Variants in SETD2 observed in about 807,000 individuals in gnomAD.
SETD2 encodes the protein SET domain containing 2, histone lysine methyltransferase, also known as histone-lysine N-methyltransferase SETD2.
In SETD2, 31 loss-of-function variants were observed where a neutral mutation model predicts 242.1. That is an observed-to-expected ratio of 0.13 (90% CI 0.10 to 0.17). The LOEUF (loss-of-function observed/expected upper bound fraction) is 0.17, where lower values mean the gene tolerates loss of function less well. Among genes scored for constraint, SETD2 ranks in the 10% least tolerant of loss-of-function variants. The probability of loss-of-function intolerance (pLI) is 1.00; values close to 1 mark genes in which losing one functional copy is unlikely to be tolerated. For missense variants in SETD2, 2,481 were observed against 3,046.3 expected (o/e 0.81, Z 4.37); for synonymous variants, 1,006 against 1,066.5 (o/e 0.94, Z 1.11).
At chr3:47,020,049 C>G (rs1436250929) in intron 18 of SETD2, among the ~76,000 whole-genome samples, 1 of 152,126 alleles carries the variant, frequency 6.6e-6, no homozygotes, top group Admixed American at 6.6e-5. Flanking sequence ...GGCTCTCCTT[C>G]TTATAAGTTA....
chr3:47,145,518 C>T, intron 1 of SETD2: 1 of 433,546 alleles, frequency 2.3e-6, no homozygotes, highest in South Asian at 1.7e-5. Context: ...CCTCAGGCTC[C>T]TGAAGGGACT....
At chr3:47,107,776 G>A (rs1016401881) in intron 5 of SETD2, among the ~76,000 whole-genome samples, 2 of 151,116 alleles carry the variant, frequency 1.3e-5, no homozygotes, top group Non-Finnish European at 1.5e-5. Flanking sequence ...TTCAAGACCA[G>A]CCTGAAAAAC....
chr3:47,147,323 ATTT>A (rs538113130), intron 1 of SETD2, among the ~76,000 whole-genome samples: 2 of 126,192 alleles, frequency 1.6e-5, no homozygotes, highest in Non-Finnish European at 3.3e-5. Flanking sequence ...ACTGCATGTC[ATTT>A]TTTTTTTTTT....
At chr3:47,106,787 G>A (rs2042442745) in intron 5 of SETD2, among the ~76,000 whole-genome samples, 1 of 149,902 alleles carries the variant, frequency 6.7e-6, no homozygotes, top group Non-Finnish European at 1.5e-5. Flanking sequence ...ACTCCAGCCT[G>A]GGCAAGAGAG....
chr3:47,084,582 G>A (rs555339210), intron 11 of SETD2, among the ~76,000 whole-genome samples, 200 bp from the exon 12 acceptor site: 1 of 151,856 alleles, frequency 6.6e-6, no homozygotes, highest in East Asian at 1.9e-4. Flanking sequence ...TAGCTGCCAC[G>A]CCTGGCTAAT....
chr3:47,082,515 A>G (rs2041360552), intron 12 of SETD2, among the ~76,000 whole-genome samples: 1 of 152,168 alleles, frequency 6.6e-6, no homozygotes, highest in Non-Finnish European at 1.5e-5. Flanking sequence ...CACTTCTTTC[A>G]ATTAACTGCA....
chr3:47,104,166 A>G (rs1217493807), intron 6 of SETD2, among the ~76,000 whole-genome samples: 1 of 152,010 alleles, frequency 6.6e-6, no homozygotes, highest in Non-Finnish European at 1.5e-5. Flanking sequence ...ACTGAATTTT[A>G]TTAAGCCAGA....
At chr3:47,141,655 T>C (rs969926768) in intron 1 of SETD2, among the ~76,000 whole-genome samples, 9 of 152,184 alleles carry the variant, frequency 5.9e-5, no homozygotes, top group Non-Finnish European at 1.3e-4. Flanking sequence ...AAGTTTTCTT[T>C]TGTTATAAAG....
Position 47,084,046 on chromosome 3 carries a change from ATTGATCAAG to A in SETD2, c.5725_5733del (p.Asp1910_Leu1912del). 4 of 1,614,082 alleles carry A rather than the reference ATTGATCAAG, an allele frequency of 2.5e-6. No individual in the cohort carries two copies. Among genetic ancestry groups the A allele is most frequent in the Non-Finnish European group, 2.5e-6 (3 of 1,180,018 alleles). On this transcript the variant is annotated inframe_deletion, in exon 12 of 21. Coordinates refer to ENST00000409792, the MANE Select transcript of SETD2 (RefSeq NM_014159.7). ...TCTTCCTCTACAGGGACATTTTCTAATTGATCAAGATCCTCTTTGCCATCCTTGCCTTCT... is the reference window on the plus strand; with the variant it reads ...TCTTCCTCTACAGGGACATTTTCTAAATCCTCTTTGCCATCCTTGCCTTCT...
rs2039543669 is a variant in SETD2, at chr3:47,046,624, A to G, written c.6964-3T>C. On this transcript the variant is annotated splice_polypyrimidine_tract_variant and splice_region_variant and intron_variant, in intron 15 of 20. Coordinates refer to ENST00000409792, the MANE Select transcript of SETD2 (RefSeq NM_014159.7). ...TGAAGACTTGGCTGGGCATAACTCT[A>G]AAAGATAAAATGAAGAAATCAATAA... The G allele has an allele frequency of 6.2e-7, 1 of 1,603,096 alleles. No homozygotes were observed. Among genetic ancestry groups the G allele is most frequent in the Non-Finnish European group, 8.5e-7 (1 of 1,175,416 alleles).
chr3:47,022,553 G>A (rs2038279326), intron 18 of SETD2, among the ~76,000 whole-genome samples: 2 of 152,124 alleles, frequency 1.3e-5, no homozygotes, highest in Non-Finnish European at 2.9e-5. Context: ...CAGGGTAGGG[G>A]CTCTGATACA....
At chr3:47,082,539 C>T (rs1196661243) in intron 12 of SETD2, among the ~76,000 whole-genome samples, 2 of 152,212 alleles carry the variant, frequency 1.3e-5, no homozygotes, top group Non-Finnish European at 2.9e-5. Flanking sequence ...CTGATTCCTG[C>T]AGTTCACATA....
chr3:47,052,464 C>T (rs1336417975), intron 15 of SETD2, among the ~76,000 whole-genome samples: 6 of 152,092 alleles, frequency 3.9e-5, no homozygotes, highest in East Asian at 1.9e-4. Flanking sequence ...TGAGCCACCA[C>T]GCCCGGCTGA....
At position 47,125,480 on chromosome 3, in the gene SETD2, CAAAAA is replaced by C. The variant is rs1390193262; in HGVS notation, c.88-937_88-933del. ...TTGGTTTTTAAAAAAAACAAACAAACAAAAAAGCATTACATAGGCAATTCTAATCA... is the reference window on the plus strand; with the variant it reads ...TTGGTTTTTAAAAAAAACAAACAAACAGCATTACATAGGCAATTCTAATCA... On this transcript the variant is annotated intron_variant, in intron 2 of 20. Coordinates refer to ENST00000409792, the MANE Select transcript of SETD2 (RefSeq NM_014159.7). Among the ~76,000 whole-genome samples the C allele has an allele frequency of 2.2e-3, 331 of 151,908 alleles. 1 individual carries two copies. Among genetic ancestry groups the C allele is most frequent in the African/African-American group, 7.4e-3 (307 of 41,436 alleles).
intron 1 of SETD2, among the ~76,000 whole-genome samples, chr3:47,152,464 C>A (rs957423433): frequency 5.9e-5 from 9 of 152,322 alleles, no homozygotes; most frequent in African/African-American, 2.2e-4. Flanking sequence ...TTTTTACAGT[C>A]ATTTAATATA....
intron 15 of SETD2, among the ~76,000 whole-genome samples, chr3:47,052,747 C>G (rs1221818270): frequency 1.3e-5 from 2 of 151,768 alleles, no homozygotes; most frequent in African/African-American, 4.8e-5. Flanking sequence ...ACCTGGGAGG[C>G]AGAGGTTGCA....
intron 18 of SETD2, among the ~76,000 whole-genome samples, chr3:47,032,222 G>A (rs2038801169): frequency 6.6e-6 from 1 of 152,012 alleles, no homozygotes; most frequent in African/African-American, 2.4e-5. Flanking sequence ...CCACCAAGAA[G>A]TAAAGCAGGC....
At chr3:47,060,580 A>G (rs970375322) in intron 14 of SETD2, among the ~76,000 whole-genome samples, 3 of 152,240 alleles carry the variant, frequency 2.0e-5, no homozygotes, top group African/African-American at 7.2e-5. Context: ...ACAATTGGGT[A>G]TTAAATAAAA....
chr3:47,104,297 T>C (rs890359815), intron 6 of SETD2, among the ~76,000 whole-genome samples: 7 of 152,020 alleles, frequency 4.6e-5, no homozygotes, highest in Non-Finnish European at 8.8e-5. Context: ...ATCCCAGTGC[T>C]TTGGGAAGTT....
Sources: allele counts gnomAD v4.1 joint callset (sites outside exome capture counted in the v4.1 genomes callset), GRCh38; gene constraint gnomAD v4.1.1; transcripts MANE v1.5; gene names NCBI Gene and HGNC (gene_info 2026-07-23, HGNC 2026-07-21).